Variants in KDM5B observed in about 807,000 individuals in gnomAD.
KDM5B encodes lysine demethylase 5B, also known as lysine-specific demethylase 5B.
KDM5B carries 144 observed loss-of-function variants against 193.4 expected under a neutral mutation model. The ratio of observed to expected loss-of-function variants is 0.74; its 90% CI spans 0.65 to 0.86. The LOEUF is 0.86. Among genes scored for constraint, KDM5B ranks in the 40% least tolerant of loss-of-function variants. The pLI, the probability that KDM5B is intolerant of heterozygous loss-of-function variation, is 0.00. For synonymous variants in KDM5B, 668 were observed against 682.6 expected, an observed-to-expected ratio of 0.98 and a Z score of 0.33; for missense variants, 1,833 against 1,886.9, an observed-to-expected ratio of 0.97 and a Z score of 0.53.
intron 1 of KDM5B, among the ~76,000 whole-genome samples, chr1:202,789,493 C>T (rs1238936645): frequency 3.4e-5 from 3 of 87,388 alleles, no homozygotes; most frequent in Admixed American, 1.3e-4. Context: ...ACTGAGATGG[C>T]GCCACTGAAC....
intron 25 of KDM5B, 146 bp from the exon 26 acceptor site, chr1:202,730,173 C>G: frequency 1.4e-6 from 1 of 714,976 alleles, no homozygotes; most frequent in Non-Finnish European, 2.3e-6. Context: ...CCACTCCCCT[C>G]CCAGTCTTGT....
At chr1:202,772,886 G>A (rs573681331) in intron 4 of KDM5B, among the ~76,000 whole-genome samples, 14 of 152,170 alleles carry the variant, frequency 9.2e-5, no homozygotes, top group Admixed American at 7.2e-4. Context: ...TAGTAGAGAC[G>A]AGGTTTCGCC....
At chr1:202,784,265 T>C (rs1657317568) in intron 1 of KDM5B, among the ~76,000 whole-genome samples, 1 of 152,210 alleles carries the variant, frequency 6.6e-6, no homozygotes, top group Non-Finnish European at 1.5e-5. Context: ...AAAAAGTATA[T>C]GCTCTACAGA....
chr1:202,762,734 T>C lies in KDM5B; in HGVS notation c.883A>G (p.Lys295Glu), dbSNP rs1656302412. The C allele has an allele frequency of 6.2e-7, 1 of 1,609,270 alleles. No individual in the cohort carries two copies. The highest frequency in any genetic ancestry group is 1.3e-5 in the African/African-American group (1 of 74,786). Reference protein sequence around the residue: ...KDYIVENEKEKPKSRSKKATN... With the variant: ...KDYIVENEKEEPKSRSKKATN... The stretch of plus-strand genomic sequence containing the variant: ...GCTTTTTTAGATCGACTCTTGGGCT[T>C]TTCCTTCTCATTTTCTACAATATAA... Residue 295 changes from lysine (K) to glutamate (E), a missense_variant, in exon 7 of 27, where the codon AAG becomes GAG. Lys to Glu is a moderately conservative substitution (Grantham distance 56). This residue lies in a region of KDM5B where 355 missense variants were observed against 374.9 expected (regional missense o/e 0.95). Coordinates refer to ENST00000367265, the MANE Select transcript of KDM5B (RefSeq NM_006618.5).
At chr1:202,742,549 A>C (rs1457794436) in intron 17 of KDM5B, 44 bp from the exon 18 acceptor site, 1 of 1,598,512 alleles carries the variant, frequency 6.3e-7, no homozygotes, top group South Asian at 1.1e-5. Flanking sequence ...GAATACATAC[A>C]TGTCCACCAC....
rs182396247 is a variant in KDM5B at position 202,772,885 on chromosome 1, C to T, written c.576+233G>A. Among the ~76,000 whole-genome samples, 710 of 152,132 alleles carry T rather than the reference C, an allele frequency of 4.7e-3. 4 individuals are homozygous for T. Among genetic ancestry groups the T allele is most frequent in the Non-Finnish European group, 6.1e-3 (412 of 68,002 alleles). ...CAAATTTTTGTATTTTTAGTAGAGA[C>T]GAGGTTTCGCCATGTTGGCCAGGCT... On this transcript the variant is annotated intron_variant, in intron 4 of 26. Coordinates refer to ENST00000367265, the MANE Select transcript of KDM5B (RefSeq NM_006618.5).
In KDM5B at chr1:202,746,197, AAAC is replaced by A; in HGVS notation, c.2140_2142del (p.Val714del). Reference sequence around the variant, plus strand: ...CACAATTCTTTTACATGATGCAGGCAAACAAGAAGGCCAGGTTTACAAGAACAG... The same window carrying A: ...CACAATTCTTTTACATGATGCAGGCAAAGAAGGCCAGGTTTACAAGAACAG... On this transcript the variant is annotated inframe_deletion, in exon 15 of 27. Transcript: ENST00000367265. 6.2e-7 allele frequency: 1 copy of A among 1,613,940 alleles called. No individual in the cohort carries two copies. Among genetic ancestry groups the A allele is most frequent in the Non-Finnish European group, 8.5e-7 (1 of 1,179,854 alleles).
In KDM5B at chr1:202,730,021, A is replaced by G. The variant is rs1654824432; in HGVS notation, c.4183T>C (p.Cys1395Arg). ...ATTCCATCTCGCTTCCCTCGGCAACAGTCATTCTGGGTGGAAGATAGGAAA... is the reference window on the plus strand; with the variant it reads ...ATTCCATCTCGCTTCCCTCGGCAACGGTCATTCTGGGTGGAAGATAGGAAA... Reference protein sequence around the residue: ...PVRPSSEKNDCCRGKRDGINS... With the variant: ...PVRPSSEKNDRCRGKRDGINS... Residue 1395 changes from cysteine to arginine, a missense_variant, in exon 26 of 27, where the codon TGT becomes CGT. Transcript: ENST00000367265. 1 of 1,608,646 alleles carries G rather than the reference A, an allele frequency of 6.2e-7. No homozygotes were observed. The highest frequency in any genetic ancestry group is 1.7e-5 in the Admixed American group (1 of 58,992).
Position 202,762,726 on chromosome 1 carries a change from CTT to C in KDM5B, c.889_890del (p.Lys297GlufsTer4). The C allele has an allele frequency of 6.2e-7, 1 of 1,607,946 alleles. No homozygotes were observed. The highest frequency in any genetic ancestry group is 8.5e-7 in the Non-Finnish European group (1 of 1,174,444). On this transcript the variant is annotated frameshift_variant, in exon 7 of 27. Transcript: ENST00000367265. LOFTEE classifies it high-confidence loss of function. ...CATTGGTGGCTTTTTTAGATCGACT[CTT>C]GGGCTTTTCCTTCTCATTTTCTACA... The part of the protein sequence containing the change: ...YIVENEKEKP[K>X]SRSKKATNAV...
chr1:202,754,096 G>A (rs992066041), intron 11 of KDM5B, among the ~76,000 whole-genome samples: 1 of 152,192 alleles, frequency 6.6e-6, no homozygotes, highest in Non-Finnish European at 1.5e-5. Context: ...TCTGGCAGAC[G>A]AAGTTAAATC....
In KDM5B at chr1:202,740,748, G is replaced by T; in HGVS notation, c.3010C>A (p.Leu1004Met). ...VKEIEEIPAY[L>M]PNGAALKDSV... ...TCTTTCAGAGCCGCACCATTGGGCA[G>T]ATATGCAGGGATCTCTTCGATTTCC... The change falls in exon 20 of 27, where the codon CTG becomes ATG. Residue 1004 changes from leucine to methionine, a missense_variant. By Grantham distance (15) the Leu-to-Met change is conservative. Coordinates refer to ENST00000367265, the MANE Select transcript of KDM5B (RefSeq NM_006618.5). The T allele has an allele frequency of 6.2e-7, 1 of 1,612,974 alleles. No homozygotes were observed. The highest frequency in any genetic ancestry group is 8.5e-7 in the Non-Finnish European group (1 of 1,179,932).
chr1:202,749,361 G>C (rs1233957810), intron 13 of KDM5B, among the ~76,000 whole-genome samples: 2 of 152,126 alleles, frequency 1.3e-5, no homozygotes, highest in African/African-American at 4.8e-5. Flanking sequence ...TTGGAGACCA[G>C]CCTGTGCAGT....
intron 4 of KDM5B, chr1:202,767,491 C>G (rs10800864): frequency 0.75 from 620,476 of 828,494 alleles, 237,762 homozygotes; most frequent in Admixed American, 0.83. Flanking sequence ...TCACCAAGAC[C>G]TTTTTTTCAC....
intron 8 of KDM5B, chr1:202,758,729 A>G (rs1656120285): frequency 2.8e-6 from 1 of 354,698 alleles, no homozygotes; most frequent in African/African-American, 2.1e-5. Context: ...TAAAATGTCA[A>G]TTTTAACAAC....
chr1:202,772,545 G>A (rs922192515), intron 4 of KDM5B, among the ~76,000 whole-genome samples: 1 of 152,172 alleles, frequency 6.6e-6, no homozygotes, highest in Non-Finnish European at 1.5e-5. Flanking sequence ...AGAATGCAAA[G>A]TTGTAACAAG....
In KDM5B at chr1:202,745,957, A is replaced by T. The variant is rs375398167; in HGVS notation, c.2224T>A (p.Tyr742Asn). The T allele has an allele frequency of 6.2e-7, 1 of 1,612,618 alleles. No individual in the cohort carries two copies. The highest frequency in any genetic ancestry group is 1.1e-5 in the South Asian group (1 of 91,048). Residue 742 changes from tyrosine to asparagine, a missense_variant, in exon 16 of 27, where the codon TAC becomes AAC. Physicochemically the swap from Tyr to Asn is moderately radical, Grantham distance 143. Coordinates refer to ENST00000367265, the MANE Select transcript of KDM5B (RefSeq NM_006618.5). ...AGCTTCAATGCATTCATCATAGGGT[A>T]GAGATCATCCAGCGTGTACCTATAC... ...LRYRYTLDDL[Y>N]PMMNALKLRA...
chr1:202,785,445 T>G (rs565415237), intron 1 of KDM5B, among the ~76,000 whole-genome samples: 1 of 151,012 alleles, frequency 6.6e-6, no homozygotes, highest in Non-Finnish European at 1.5e-5. Context: ...AGAGGACAGA[T>G]TCTCAAGTCA....
chr1:202,808,226 AG>A lies in KDM5B; in HGVS notation c.79del (p.Leu27CysfsTer29). The A allele has an allele frequency of 6.2e-7, 1 of 1,612,420 alleles. No homozygotes were observed. The highest frequency in any genetic ancestry group is 8.5e-7 in the Non-Finnish European group (1 of 1,179,510). On this transcript the variant is annotated frameshift_variant, in exon 1 of 27. Transcript: ENST00000367265. LOFTEE classifies it high-confidence loss of function. ...LGGPGPLGEFLPPPECPVFEP... is the reference protein window; with the variant it reads ...LGGPGPLGEFXPPPECPVFEP... ...GAAGACCGGGCACTCGGGTGGAGGC[AG>A]GAACTCGCCCAGCGGGCCCGGGCCC...
In KDM5B at chr1:202,736,398, A is replaced by G; in HGVS notation, c.3085-6T>C. On this transcript the variant is annotated splice_region_variant and splice_polypyrimidine_tract_variant and intron_variant, in intron 20 of 26. Transcript: ENST00000367265. The stretch of plus-strand genomic sequence containing the variant: ...ACTGGCACACGTCCTCCAGCCTAAT[A>G]AGTCAAGAAAAATTACAGCAGTTTA... 6.5e-7 allele frequency: 1 copy of G among 1,534,558 alleles called. No individual in the cohort carries two copies. Among genetic ancestry groups the G allele is most frequent in the East Asian group, 2.4e-5 (1 of 41,812 alleles).
Sources: gnomAD v4.1 joint callset for allele counts (sites outside exome capture counted in the v4.1 genomes callset) on GRCh38, gnomAD v4.1.1 for gene constraint, gnomAD v4.1.1 regional missense constraint, MANE v1.5 for transcripts, NCBI Gene and HGNC (gene_info 2026-07-23, HGNC 2026-07-21) for gene names.